Variants in SAE1 observed in about 807,000 individuals in gnomAD.
SAE1 encodes SUMO1 activating enzyme subunit 1, also known as SUMO-activating enzyme subunit 1.
SAE1 carries 11 observed loss-of-function variants against 40.6 expected under a neutral mutation model. The ratio of observed to expected loss-of-function variants is 0.27; its 90% confidence interval spans 0.17 to 0.45. The LOEUF is 0.45. Ranked by LOEUF, SAE1 falls within the 20% of genes least tolerant of loss-of-function variation. The pLI is 1.00. For synonymous variants in SAE1, 155 were observed against 154.3 expected (o/e 1.00, Z -0.03); for missense variants, 373 against 427.3 (o/e 0.87, Z 1.12).
At chr19:47,178,895 A>G (rs1213521432) in intron 6 of SAE1, among the ~76,000 whole-genome samples, 1 of 152,116 alleles carries the variant, frequency 6.6e-6, no homozygotes, top group Non-Finnish European at 1.5e-5. Context: ...GCATACCCTC[A>G]AAGTAAAGAA....
chr19:47,164,075 T>C (rs1016950630), intron 5 of SAE1, among the ~76,000 whole-genome samples: 3 of 152,152 alleles, frequency 2.0e-5, no homozygotes, highest in African/African-American at 7.2e-5. Flanking sequence ...GGCTTGTATA[T>C]GTGTATATAT....
chr19:47,166,888 A>T (rs186710888), intron 5 of SAE1, among the ~76,000 whole-genome samples: 1 of 152,304 alleles, frequency 6.6e-6, no homozygotes, highest in East Asian at 1.9e-4. Context: ...TACTATCTTT[A>T]ACAATGGATT....
At chr19:47,206,280 C>T (rs572036236) in intron 8 of SAE1, among the ~76,000 whole-genome samples, 21 of 152,180 alleles carry the variant, frequency 1.4e-4, no homozygotes, top group Non-Finnish European at 2.2e-4. Flanking sequence ...TTACCTTTTG[C>T]CCCATGTCAC....
At chr19:47,185,907 A>C (rs977658782) in intron 6 of SAE1, among the ~76,000 whole-genome samples, 12 of 150,270 alleles carry the variant, frequency 8.0e-5, no homozygotes, top group Non-Finnish European at 1.5e-4. Context: ...AAGCCCCCAA[A>C]ATCTGAAATG....
At chr19:47,197,110 G>A in intron 6 of SAE1, 123 bp from the exon 7 acceptor site, 2 of 906,328 alleles carry the variant, frequency 2.2e-6, no homozygotes, top group Non-Finnish European at 1.6e-6. Context: ...GAACCCGGGA[G>A]GCAGAGGTTG....
At chr19:47,157,507 A>G (rs927105301) in intron 5 of SAE1, among the ~76,000 whole-genome samples, 3 of 152,168 alleles carry the variant, frequency 2.0e-5, no homozygotes, top group Non-Finnish European at 4.4e-5. Context: ...ATTCAAATGG[A>G]GAGAGTGCCT....
intron 2 of SAE1, among the ~76,000 whole-genome samples, chr19:47,145,537 G>T (rs1016458548): frequency 6.6e-6 from 1 of 152,130 alleles, no homozygotes; most frequent in African/African-American, 2.4e-5. Context: ...GTGAAAATAA[G>T]TGCTGCTCTC....
chr19:47,196,369 A>ATTTTTT (rs1600212336), intron 6 of SAE1, among the ~76,000 whole-genome samples: 1 of 26,726 alleles, frequency 3.7e-5, no homozygotes, highest in African/African-American at 2.0e-4. Flanking sequence ...TTTTTTTTTA[A>ATTTTTT]TTTTACTTTT....
intron 1 of SAE1, among the ~76,000 whole-genome samples, chr19:47,142,933 T>C (rs2058231015): frequency 6.6e-6 from 1 of 152,196 alleles, no homozygotes; most frequent in Non-Finnish European, 1.5e-5. Context: ...TACTTTTTCA[T>C]GAGGGCAGGG....
Position 47,155,013 on chromosome 19 carries a change from C to T in SAE1, c.528-101C>T, listed in dbSNP as rs2058312263. ...GAGATCTGACTCCAAAGCTTTTGCC[C>T]TTAACCACCATCCCGATCTGTGACC... On this transcript the variant is annotated intron_variant, in intron 4 of 8. Transcript: ENST00000270225. 5.4e-5 allele frequency: 40 copies of T among 743,644 alleles called. No homozygotes were observed. In the South Asian group the frequency reaches 5.6e-4, roughly 10 times the overall value. The allele number at this position is 743,644 out of a possible 1,614,324, so 46.1% of individuals were successfully genotyped here. A position where few individuals can be genotyped will look rare whatever the true frequency, so the allele number is the denominator to read the frequency against.
chr19:47,171,445 A>G (rs2058432280), intron 6 of SAE1, among the ~76,000 whole-genome samples: 2 of 151,092 alleles, frequency 1.3e-5, no homozygotes, highest in South Asian at 4.2e-4. Flanking sequence ...GGCGGGCACC[A>G]CCATGCCCAG....
chr19:47,185,320 A>G (rs973281175), intron 6 of SAE1, among the ~76,000 whole-genome samples: 1 of 151,222 alleles, frequency 6.6e-6, no homozygotes. Context: ...TTGTTTACTT[A>G]TTTTTGAGAC....
intron 7 of SAE1, 43 bp from the exon 8 acceptor site, chr19:47,203,628 T>G (rs772074418): frequency 6.4e-7 from 1 of 1,570,344 alleles, no homozygotes; most frequent in South Asian, 1.1e-5. Context: ...TGGTCACAGT[T>G]CTGTTCCCAG....
At chr19:47,151,155 CT>C (rs2058285576) in intron 3 of SAE1, among the ~76,000 whole-genome samples, 1 of 150,876 alleles carries the variant, frequency 6.6e-6, no homozygotes, top group Non-Finnish European at 1.5e-5. Context: ...TTTTTTGCAC[CT>C]TTTTTTATTT....
At chr19:47,186,437 C>T (rs376226945) in intron 6 of SAE1, among the ~76,000 whole-genome samples, 2 of 152,072 alleles carry the variant, frequency 1.3e-5, no homozygotes, top group African/African-American at 2.4e-5. Flanking sequence ...ATTCATTCAG[C>T]GGGTAAGGGT....
At chr19:47,138,631 G>A (rs1460735935) in intron 1 of SAE1, among the ~76,000 whole-genome samples, 3 of 152,176 alleles carry the variant, frequency 2.0e-5, no homozygotes, top group Non-Finnish European at 4.4e-5. Flanking sequence ...ACTGGTTCTA[G>A]TGATACAGTG....
At chr19:47,142,250 A>T (rs970487230) in intron 1 of SAE1, among the ~76,000 whole-genome samples, 1 of 151,756 alleles carries the variant, frequency 6.6e-6, no homozygotes, top group African/African-American at 2.4e-5. Context: ...CAGGCGTGAC[A>T]GTAGGCGCCT....
In SAE1 at chr19:47,169,439, T is replaced by A. The variant is rs545915622; in HGVS notation, c.628-379T>A. 1.2e-4 allele frequency among the ~76,000 whole-genome samples: 18 copies of A among 152,084 alleles called. No homozygotes were observed. The South Asian group carries it at 3.5e-3, about 30-fold the overall frequency. On this transcript the variant is annotated intron_variant, in intron 5 of 8. Transcript: ENST00000270225. Reference sequence around the variant, plus strand: ...TTTTGTATATTTGTAGAGACGGGGGTTTCACCATGTTGGCCAGGCTGGTCT... The same window carrying A: ...TTTTGTATATTTGTAGAGACGGGGGATTCACCATGTTGGCCAGGCTGGTCT...
intron 6 of SAE1, among the ~76,000 whole-genome samples, chr19:47,182,497 G>A (rs1279218959): frequency 3.5e-5 from 3 of 86,476 alleles, no homozygotes; most frequent in Non-Finnish European, 6.7e-5. Context: ...GTGTGTGTGT[G>A]CGCGCACGCA....
Sources: gnomAD v4.1 joint callset for allele counts (sites outside exome capture counted in the v4.1 genomes callset) on GRCh38, gnomAD v4.1.1 for gene constraint, MANE v1.5 for transcripts, NCBI Gene and HGNC (gene_info 2026-07-23, HGNC 2026-07-21) for gene names.